Variants in CUX1 observed in about 807,000 individuals in gnomAD.
CUX1 encodes the protein protein CASP.
Under a neutral mutation model 158.8 loss-of-function variants are expected in CUX1, and 31 were observed. The observed-to-expected ratio is 0.20, with a 90% CI of 0.15 to 0.26. The LOEUF is 0.26. CUX1 is among the 10% of genes least tolerant of loss of function. The pLI is 1.00. For missense variants in CUX1, 1,589 were observed against 2,014.6 expected, an observed-to-expected ratio of 0.79 and a Z score of 4.04; for synonymous variants, 879 against 862.1, an observed-to-expected ratio of 1.02 and a Z score of -0.34.
At chr7:101,844,654 C>T (rs1043898152) in intron 1 of CUX1, among the ~76,000 whole-genome samples, 44 of 152,122 alleles carry the variant, frequency 2.9e-4, no homozygotes, top group African/African-American at 9.4e-4. Flanking sequence ...CTCTCTCTGT[C>T]GCCCAGGCTG....
In CUX1 at chr7:102,256,887, G is replaced by A. The variant is rs782189220; in HGVS notation, c.*7845G>A. ...GGTTTTTTGTTGTTGTTTTTCTTGC[G>A]TACAAAGTTGGTCAAAACCATCTTT... On this transcript the variant is annotated 3_prime_UTR_variant, in exon 24 of 24. Transcript: ENST00000292535. The A allele has an allele frequency of 1.7e-5, 17 of 985,320 alleles. No individual in the cohort carries two copies. In the South Asian group the frequency reaches 3.8e-4, roughly 22 times the overall value. The allele number at this position is 985,320 out of a possible 1,614,324, so 61.0% of individuals were successfully genotyped here.
At chr7:101,982,206 C>T (rs925872942) in intron 2 of CUX1, among the ~76,000 whole-genome samples, 1 of 152,206 alleles carries the variant, frequency 6.6e-6, no homozygotes, top group Non-Finnish European at 1.5e-5. Context: ...TTCTCTTCCT[C>T]CATAGCTGTG....
At chr7:101,878,840 T>G (rs1299686525) in intron 1 of CUX1, among the ~76,000 whole-genome samples, 1 of 151,780 alleles carries the variant, frequency 6.6e-6, no homozygotes, top group African/African-American at 2.4e-5. Flanking sequence ...GCCGGGCCAA[T>G]TTTGTATTTT....
chr7:102,257,383 A>T lies in CUX1; in HGVS notation c.*8341A>T, dbSNP rs1790013634. On this transcript the variant is annotated 3_prime_UTR_variant, in exon 24 of 24. Transcript: ENST00000292535. ...CCATCTTCTGCCTCTTCCCTTGAGAAAACGGGCATCTCACGTACCCCCATC... is the reference window on the plus strand; with the variant it reads ...CCATCTTCTGCCTCTTCCCTTGAGATAACGGGCATCTCACGTACCCCCATC... 1.7e-5 allele frequency: 17 copies of T among 985,058 alleles called. No individual in the cohort carries two copies. Among genetic ancestry groups the T allele is most frequent in the Non-Finnish European group, 2.0e-5 (17 of 829,842 alleles). The allele number at this position is 985,058 out of a possible 1,614,324, so 61.0% of individuals were successfully genotyped here.
intron 1 of CUX1, among the ~76,000 whole-genome samples, chr7:101,856,910 G>A (rs1271299676): frequency 3.3e-5 from 5 of 152,022 alleles, no homozygotes; most frequent in Non-Finnish European, 4.4e-5. Flanking sequence ...CACAGGCCCC[G>A]GGTGTGAACC....
chr7:102,280,042 C>T (rs1168718249), exon 19 of CUX1: 6 of 1,604,748 alleles, frequency 3.7e-6, no homozygotes, highest in South Asian at 1.1e-5. Context: ...TGCAGGGCAG[C>T]GGCAGTGATG....
intron 4 of CUX1, among the ~76,000 whole-genome samples, chr7:102,095,833 T>C (rs1471210881): frequency 6.6e-6 from 1 of 152,254 alleles, no homozygotes; most frequent in Non-Finnish European, 1.5e-5. Context: ...GACTTGGGTA[T>C]TCTTCCACTC....
At chr7:102,153,143 C>A (rs1284467411) in intron 8 of CUX1, among the ~76,000 whole-genome samples, 1 of 152,148 alleles carries the variant, frequency 6.6e-6, no homozygotes, top group African/African-American at 2.4e-5. Context: ...ATTCGGTGTC[C>A]TGATGAAAAT....
At chr7:102,160,326 G>A (rs953185263) in intron 9 of CUX1, among the ~76,000 whole-genome samples, 2 of 152,106 alleles carry the variant, frequency 1.3e-5, no homozygotes, top group Non-Finnish European at 1.5e-5. Flanking sequence ...GCAATCTAAT[G>A]TGCCCAACAG....
At chr7:102,146,698 AG>A (rs1330120903) in intron 8 of CUX1, among the ~76,000 whole-genome samples, 1 of 152,052 alleles carries the variant, frequency 6.6e-6, no homozygotes, top group Non-Finnish European at 1.5e-5. Context: ...CCCAGGTTCA[AG>A]CAATTCTGCC....
At chr7:102,165,713 G>T (rs1790953140) in intron 9 of CUX1, among the ~76,000 whole-genome samples, 1 of 152,100 alleles carries the variant, frequency 6.6e-6, no homozygotes, top group Admixed American at 6.6e-5. Flanking sequence ...GACCCTTGAG[G>T]GATGGGCAGG....
chr7:102,116,521 T>C lies in CUX1; in HGVS notation c.674+1248T>C, dbSNP rs181984855. ...TTCACCGAGCATGGCAGTGTGCACC[T>C]GTAGTCCCAGCTACTTGGGAGCCTG... On this transcript the variant is annotated intron_variant, in intron 8 of 23. Transcript: ENST00000292535. Among the ~76,000 whole-genome samples, 81 of 152,236 alleles carry C rather than the reference T, an allele frequency of 5.3e-4. 1 individual carries two copies. The East Asian group carries it at 0.013, about 24-fold the overall frequency.
chr7:102,204,337 G>T, intron 18 of CUX1, 54 bp from the exon 19 acceptor site: 1 of 1,596,658 alleles, frequency 6.3e-7, no homozygotes, highest in Non-Finnish European at 8.6e-7. Context: ...CAGCATCTGT[G>T]GTGTCATGCT....
chr7:101,834,639 G>A (rs183969631), intron 1 of CUX1, among the ~76,000 whole-genome samples: 1 of 152,280 alleles, frequency 6.6e-6, no homozygotes, highest in East Asian at 1.9e-4. Context: ...GCAGAGAGCA[G>A]TTCTTTTGAT....
intron 2 of CUX1, among the ~76,000 whole-genome samples, chr7:101,977,509 G>T (rs918912378): frequency 2.0e-5 from 3 of 152,142 alleles, no homozygotes; most frequent in African/African-American, 7.2e-5. Context: ...AGGCATGATG[G>T]TGCACACCTG....
chr7:102,269,195 G>C (rs559090709), intron 14 of CUX1, among the ~76,000 whole-genome samples: 1 of 151,052 alleles, frequency 6.6e-6, no homozygotes, highest in African/African-American at 2.4e-5. Context: ...GGCTGGTCTC[G>C]AATTCCTGGG....
chr7:101,925,277 T>G (rs1464690538), intron 2 of CUX1, among the ~76,000 whole-genome samples: 1 of 152,076 alleles, frequency 6.6e-6, no homozygotes, highest in Non-Finnish European at 1.5e-5. Flanking sequence ...CCCAGATAAT[T>G]TTTTTGTATT....
In CUX1 at chr7:102,257,898, CTTTTTTTT is replaced by C. The variant is rs374339832; in HGVS notation, c.*8865_*8872del. ...GAAAAAAGGAAAAAAAAAAAGTCGT[CTTTTTTTT>C]TTTTTTTTGTACAAATCGCTTTGAG... is the stretch of plus-strand genomic sequence containing the variant. On this transcript the variant is annotated 3_prime_UTR_variant, in exon 24 of 24. Transcript: ENST00000292535. 1 of 611,696 alleles carries C rather than the reference CTTTTTTTT, an allele frequency of 1.6e-6. No homozygotes were observed. Among genetic ancestry groups the C allele is most frequent in the African/African-American group, 2.2e-5 (1 of 45,284 alleles). 37.9% of individuals were successfully genotyped at this position (611,696 alleles called of 1,614,324 possible). A position where few individuals can be genotyped will look rare whatever the true frequency, so the allele number is the denominator to read the frequency against.
intron 3 of CUX1, among the ~76,000 whole-genome samples, chr7:102,033,285 A>G (rs1303734869): frequency 1.3e-5 from 2 of 152,152 alleles, no homozygotes; most frequent in Non-Finnish European, 2.9e-5. Context: ...CTCCATCTCA[A>G]TTAAATAAAT....
Sources: allele counts gnomAD v4.1 joint callset (sites outside exome capture counted in the v4.1 genomes callset), GRCh38; gene constraint gnomAD v4.1.1; transcripts MANE v1.5; gene names NCBI Gene and HGNC (gene_info 2026-07-23, HGNC 2026-07-21).